CLMN: variants seen among roughly 807,000 people sequenced by gnomAD.
The protein encoded by CLMN is calmin (calponin-like, transmembrane).
In CLMN, 57 loss-of-function variants were observed where a neutral mutation model predicts 92.7. The observed-to-expected ratio is 0.61, with a 90% CI of 0.50 to 0.77. CLMN has a LOEUF of 0.77. CLMN is among the 30% of genes least tolerant of loss of function. The probability of loss-of-function intolerance (pLI) is 0.00; values close to 1 mark genes in which losing one functional copy is unlikely to be tolerated. For missense variants in CLMN, 1,158 were observed against 1,237.5 expected (o/e 0.94, Z 0.96); for synonymous variants, 466 against 470.6 (o/e 0.99, Z 0.13).
At chr14:95,289,514 C>T (rs113591668) in intron 1 of CLMN, among the ~76,000 whole-genome samples, 26 of 92,608 alleles carry the variant, frequency 2.8e-4, no homozygotes, top group African/African-American at 4.7e-4. Context: ...AATAAACAAA[C>T]AAACAAACAA....
chr14:95,228,821 T>C (rs1361034568), intron 2 of CLMN, among the ~76,000 whole-genome samples: 1 of 152,180 alleles, frequency 6.6e-6, no homozygotes, highest in Admixed American at 6.5e-5. Flanking sequence ...ACTACGGGCA[T>C]GAGCCACCAC....
chr14:95,250,538 G>T (rs1239129466), intron 1 of CLMN, among the ~76,000 whole-genome samples: 1 of 152,178 alleles, frequency 6.6e-6, no homozygotes, highest in Non-Finnish European at 1.5e-5. Flanking sequence ...CAGGCAACAG[G>T]CTCTCTGGGA....
chr14:95,315,602 G>A (rs994922341), intron 1 of CLMN, among the ~76,000 whole-genome samples: 2 of 152,216 alleles, frequency 1.3e-5, no homozygotes, highest in African/African-American at 2.4e-5. Flanking sequence ...CCCTGCCTCT[G>A]AGCCTGCCTT....
At chr14:95,211,915 G>C (rs1285241788) in intron 6 of CLMN, among the ~76,000 whole-genome samples, 1 of 152,116 alleles carries the variant, frequency 6.6e-6, no homozygotes, top group African/African-American at 2.4e-5. Flanking sequence ...ACAGATTAAT[G>C]TAACCACCAC....
chr14:95,246,873 T>C (rs1049726278), intron 1 of CLMN, among the ~76,000 whole-genome samples: 11 of 152,218 alleles, frequency 7.2e-5, no homozygotes, highest in African/African-American at 2.7e-4. Context: ...CAAATTCTTA[T>C]AGAGTTTAGA....
chr14:95,200,923 T>C lies in CLMN; in HGVS notation c.2511+1915A>G, dbSNP rs146161979. On this transcript the variant is annotated intron_variant, in intron 9 of 12. Transcript: ENST00000298912. ...TGTTCACTAAGTGCATGCTAGATGT[T>C]AGCTACGATGACTGTTTTTTTCTTT... is the stretch of plus-strand genomic sequence containing the variant. 5.3e-5 allele frequency among the ~76,000 whole-genome samples: 8 copies of C among 151,542 alleles called. No individual in the cohort carries two copies. In the East Asian group the frequency reaches 1.4e-3, roughly 26 times the overall value.
chr14:95,305,372 T>C (rs1044393594), intron 1 of CLMN, among the ~76,000 whole-genome samples: 5 of 152,232 alleles, frequency 3.3e-5, no homozygotes, highest in Admixed American at 6.5e-5. Context: ...CTGTCCATCA[T>C]GACCATCCTC....
In CLMN at chr14:95,233,839, C is replaced by T. The variant is rs138910551; in HGVS notation, c.83-3706G>A. ...CCAACCCCTCTGGGTGGTTTCACTT[C>T]TGCTCTAGCCAAGGCCAGCAGGCTG... is the stretch of plus-strand genomic sequence containing the variant. On this transcript the variant is annotated intron_variant, in intron 1 of 12. Coordinates refer to ENST00000298912, the MANE Select transcript of CLMN (RefSeq NM_024734.4). Among the ~76,000 whole-genome samples the T allele has an allele frequency of 1.2e-4, 19 of 152,370 alleles. No homozygotes were observed. In the East Asian group the frequency reaches 3.7e-3, roughly 29 times the overall value.
intron 1 of CLMN, among the ~76,000 whole-genome samples, chr14:95,267,875 G>A (rs1439562760): frequency 2.0e-5 from 3 of 152,198 alleles, no homozygotes; most frequent in African/African-American, 7.2e-5. Context: ...GCAGCAATAT[G>A]GATGAAACTG....
rs1052690780 is a variant in CLMN, at chr14:95,182,554, C to T, written c.*9010G>A. 6.6e-6 allele frequency: 1 copy of T among 152,250 alleles called. No individual in the cohort carries two copies. The highest frequency in any genetic ancestry group is 2.4e-5 in the African/African-American group (1 of 41,470). The allele number at this position is 152,250 out of a possible 1,614,324, so 9.4% of individuals were successfully genotyped here. A position where few individuals can be genotyped will look rare whatever the true frequency, so the allele number is the denominator to read the frequency against. ...AATTTCAAGGGCAGAGGGCAGGTGT[C>T]CCCTGCACCACATTCCCTCCCCACA... On this transcript the variant is annotated 3_prime_UTR_variant, in exon 13 of 13. Coordinates refer to ENST00000298912, the MANE Select transcript of CLMN (RefSeq NM_024734.4).
rs572603942 is a variant in CLMN at position 95,290,445 on chromosome 14, CAGAG to C, written c.82+29262_82+29265del. ...CACAAGGGTCTTTATAAGAGGAAGA[CAGAG>C]GGAGATGTGATCCAGAAGACAGAAG... On this transcript the variant is annotated intron_variant, in intron 1 of 12. Transcript: ENST00000298912. Among the ~76,000 whole-genome samples the C allele has an allele frequency of 6.6e-5, 10 of 152,228 alleles. No individual in the cohort carries two copies. In the East Asian group the frequency reaches 1.9e-3, roughly 29 times the overall value.
chr14:95,231,297 T>C (rs1276826179), intron 1 of CLMN, among the ~76,000 whole-genome samples: 3 of 151,382 alleles, frequency 2.0e-5, no homozygotes, highest in Non-Finnish European at 4.4e-5. Flanking sequence ...CCCGGGTTCA[T>C]GCCATTCTCC....
intron 1 of CLMN, among the ~76,000 whole-genome samples, chr14:95,264,661 C>T (rs2140708208): frequency 6.6e-6 from 1 of 152,290 alleles, no homozygotes; most frequent in South Asian, 2.1e-4. Flanking sequence ...AGAATAAACA[C>T]AGTGTGATGG....
chr14:95,201,799 A>C (rs1405521865), intron 9 of CLMN, among the ~76,000 whole-genome samples: 1 of 150,616 alleles, frequency 6.6e-6, no homozygotes, highest in Non-Finnish European at 1.5e-5. Flanking sequence ...CTCATTGTTC[A>C]ACTCCCATTT....
In CLMN at chr14:95,194,262, C is replaced by T. The variant is rs113014042; in HGVS notation, c.2769+274G>A. On this transcript the variant is annotated intron_variant, in intron 11 of 12. Transcript: ENST00000298912. This position sits in a 1 kb window ranked among gnomAD's most constrained non-coding sequence, Gnocchi z 4.0. ...TCTCTGAACGTGATCCTTCTGGGTG[C>T]GCGCGGGGTCCAGGTGAGGCGTTTT... 1.6e-5 allele frequency: 18 copies of T among 1,131,954 alleles called. No individual in the cohort carries two copies. Among genetic ancestry groups the T allele is most frequent in the East Asian group, 6.8e-5 (1 of 14,736 alleles). The allele number at this position is 1,131,954 out of a possible 1,614,324, so 70.1% of individuals were successfully genotyped here.
chr14:95,245,271 T>A (rs1190786530), intron 1 of CLMN, among the ~76,000 whole-genome samples: 12 of 60,722 alleles, frequency 2.0e-4, no homozygotes, highest in Non-Finnish European at 3.0e-4. Context: ...ATATATATAT[T>A]ATATATATAT....
intron 1 of CLMN, among the ~76,000 whole-genome samples, chr14:95,304,842 C>T (rs1901210253): frequency 6.6e-6 from 1 of 152,078 alleles, no homozygotes; most frequent in Admixed American, 6.5e-5. Context: ...GACTGTAAGA[C>T]CCTTCCATGG....
chr14:95,286,888 C>A (rs1244220708), intron 1 of CLMN, among the ~76,000 whole-genome samples: 1 of 152,224 alleles, frequency 6.6e-6, no homozygotes. Context: ...CGTGACCCCA[C>A]AGAAAGTTTG....
At position 95,228,505 on chromosome 14, in the gene CLMN, C is replaced by T. The variant is rs191109213; in HGVS notation, c.144+1567G>A. 1.2e-4 allele frequency among the ~76,000 whole-genome samples: 19 copies of T among 152,282 alleles called. No individual in the cohort carries two copies. In the East Asian group the frequency reaches 3.5e-3, roughly 28 times the overall value. ...AGGTGTGGGTGGCCGAATGCCTGCTCGGGCAATATCCTAGACCTAAAGATA... is the reference window on the plus strand; with the variant it reads ...AGGTGTGGGTGGCCGAATGCCTGCTTGGGCAATATCCTAGACCTAAAGATA... On this transcript the variant is annotated intron_variant, in intron 2 of 12. Transcript: ENST00000298912.
Sources: allele counts gnomAD v4.1 joint callset (sites outside exome capture counted in the v4.1 genomes callset), GRCh38; gene constraint gnomAD v4.1.1; non-coding constraint Gnocchi (gnomAD v3.1); transcripts MANE v1.5; gene names NCBI Gene and HGNC (gene_info 2026-07-23, HGNC 2026-07-21).